The following GRIN2A variants were observed in gnomAD, a reference collection of about 807,000 sequenced individuals.
GRIN2A encodes the protein glutamate ionotropic receptor NMDA type subunit 2A, also known as glutamate receptor ionotropic, NMDA 2A.
In GRIN2A, 22 loss-of-function variants were observed where a neutral mutation model predicts 113.4. The ratio of observed to expected loss-of-function variants is 0.19; its 90% CI spans 0.14 to 0.28. The LOEUF (loss-of-function observed/expected upper bound fraction) is 0.28, where lower values mean the gene tolerates loss of function less well. Among genes scored for constraint, GRIN2A ranks in the 10% least tolerant of loss-of-function variants. GRIN2A has a pLI of 1.00. For missense variants in GRIN2A, 1,502 were observed against 1,887.0 expected (o/e 0.80, Z 3.78); for synonymous variants, 827 against 738.4 (o/e 1.12, Z -1.94).
intron 2 of GRIN2A, among the ~76,000 whole-genome samples, chr16:10,122,853 C>G (rs984445417): frequency 6.6e-6 from 1 of 152,140 alleles, no homozygotes; most frequent in Admixed American, 6.5e-5. Context: ...TATTTTGACT[C>G]AAACAGAACG....
At chr16:9,780,368 A>C (rs933728739) in intron 11 of GRIN2A, among the ~76,000 whole-genome samples, 9 of 152,234 alleles carry the variant, frequency 5.9e-5, no homozygotes, top group African/African-American at 2.2e-4. Context: ...AAAATGGATA[A>C]ATTTGTACGA....
chr16:10,112,712 C>T (rs965935610), intron 2 of GRIN2A: 12 of 742,950 alleles, frequency 1.6e-5, no homozygotes, highest in Non-Finnish European at 1.7e-5. Flanking sequence ...GTGTCTCGGC[C>T]TCCATCCAGG....
At chr16:9,805,914 G>C (rs1299783401) in intron 10 of GRIN2A, among the ~76,000 whole-genome samples, 1 of 152,170 alleles carries the variant, frequency 6.6e-6, no homozygotes, top group South Asian at 2.1e-4. Context: ...AACCTATACA[G>C]GGACTACCTG....
intron 2 of GRIN2A, among the ~76,000 whole-genome samples, chr16:9,992,215 A>C (rs886324439): frequency 2.0e-5 from 3 of 152,188 alleles, no homozygotes; most frequent in Non-Finnish European, 4.4e-5. Flanking sequence ...ACACTTGAAA[A>C]GATAGGGAAT....
At chr16:9,961,751 T>G (rs2045447201) in intron 2 of GRIN2A, among the ~76,000 whole-genome samples, 1 of 152,166 alleles carries the variant, frequency 6.6e-6, no homozygotes, top group South Asian at 2.1e-4. Flanking sequence ...TACCAATGAC[T>G]TTCTTCACAG....
chr16:10,090,557 T>C (rs2048166869), intron 2 of GRIN2A, among the ~76,000 whole-genome samples: 1 of 151,940 alleles, frequency 6.6e-6, no homozygotes, highest in Non-Finnish European at 1.5e-5. Flanking sequence ...GACCTAAATA[T>C]AACAACTAAA....
chr16:9,807,400 G>A (rs1567312707), intron 10 of GRIN2A, among the ~76,000 whole-genome samples: 1 of 115,450 alleles, frequency 8.7e-6, no homozygotes, highest in African/African-American at 3.5e-5. Flanking sequence ...GAGGGAGGGA[G>A]GGAGGGAGAG....
intron 2 of GRIN2A, among the ~76,000 whole-genome samples, chr16:10,110,349 T>C (rs1042967765): frequency 6.6e-5 from 10 of 152,250 alleles, no homozygotes; most frequent in Non-Finnish European, 2.9e-5. Context: ...CAGGACCTCA[T>C]CAAGGTAAAT....
At chr16:9,841,648 A>G (rs1410842798) in intron 5 of GRIN2A, among the ~76,000 whole-genome samples, 1 of 152,210 alleles carries the variant, frequency 6.6e-6, no homozygotes, top group Non-Finnish European at 1.5e-5. Context: ...TCAGCCAAGA[A>G]TCAGGAGACC....
chr16:9,935,636 G>T lies in GRIN2A; in HGVS notation c.1007+2323C>A, dbSNP rs565579412. On this transcript the variant is annotated intron_variant, in intron 3 of 12. Transcript: ENST00000330684. Reference sequence around the variant, plus strand: ...CCTAAAGCCTTCCAGAAATATTTCAGAGTGACATAGTACCCTGCTGGTAAT... The same window carrying T: ...CCTAAAGCCTTCCAGAAATATTTCATAGTGACATAGTACCCTGCTGGTAAT... Among the ~76,000 whole-genome samples, 4 of 151,764 alleles carry T rather than the reference G, an allele frequency of 2.6e-5. No individual in the cohort carries two copies. The South Asian group carries it at 8.3e-4, about 32-fold the overall frequency.
intron 2 of GRIN2A, among the ~76,000 whole-genome samples, chr16:9,940,991 G>A (rs529716215): frequency 1.3e-5 from 2 of 152,266 alleles, no homozygotes; most frequent in South Asian, 2.1e-4. Context: ...GGGCAAAAAT[G>A]TTCTAAATTA....
chr16:10,118,474 C>T (rs2048771393), intron 2 of GRIN2A, among the ~76,000 whole-genome samples: 1 of 152,132 alleles, frequency 6.6e-6, no homozygotes, highest in African/African-American at 2.4e-5. Flanking sequence ...GTAAAATCTT[C>T]CTTGAGTGTA....
intron 2 of GRIN2A, among the ~76,000 whole-genome samples, chr16:9,940,544 C>T (rs1321933143): frequency 6.6e-6 from 1 of 152,066 alleles, no homozygotes; most frequent in Non-Finnish European, 1.5e-5. Flanking sequence ...GTCCCCAGAA[C>T]CTGGCAGAAG....
At chr16:9,822,124 C>G in intron 10 of GRIN2A, 140 bp downstream of exon 10, 1 of 921,232 alleles carries the variant, frequency 1.1e-6, no homozygotes. Flanking sequence ...AAAAACTGCC[C>G]TCAACTGGGG....
At chr16:10,032,601 T>A (rs1215805718) in intron 2 of GRIN2A, among the ~76,000 whole-genome samples, 3 of 152,140 alleles carry the variant, frequency 2.0e-5, no homozygotes, top group Non-Finnish European at 2.9e-5. Flanking sequence ...ACTATCATTA[T>A]CCCCATTTCA....
At chr16:9,951,680 G>A (rs2045185872) in intron 2 of GRIN2A, among the ~76,000 whole-genome samples, 1 of 152,116 alleles carries the variant, frequency 6.6e-6, no homozygotes, top group African/African-American at 2.4e-5. Context: ...AAAAATGATG[G>A]TTTGTTTTTT....
At chr16:10,116,744 A>G (rs2048735339) in intron 2 of GRIN2A, among the ~76,000 whole-genome samples, 1 of 152,198 alleles carries the variant, frequency 6.6e-6, no homozygotes, top group Admixed American at 6.5e-5. Flanking sequence ...ATAACAGTGT[A>G]GGACACACCT....
intron 11 of GRIN2A, among the ~76,000 whole-genome samples, chr16:9,770,369 A>T (rs1037968699): frequency 6.6e-6 from 1 of 152,212 alleles, no homozygotes; most frequent in Non-Finnish European, 1.5e-5. Flanking sequence ...AATCAAAATG[A>T]TTTAATATTG....
chr16:10,132,340 C>CAAA lies in GRIN2A; in HGVS notation c.414+47655_414+47657dup, dbSNP rs71402435. On this transcript the variant is annotated intron_variant, in intron 2 of 12. Transcript: ENST00000330684. ...GAATGAGCAGAACAAGACACCGTCT[C>CAAA]AAAAAAAAAAAAAAAAAAGATGTGA... Among the ~76,000 whole-genome samples, 305 of 61,622 alleles carry CAAA rather than the reference C, an allele frequency of 4.9e-3. 33 individuals carry two copies. In the East Asian group the frequency reaches 0.13, roughly 26 times the overall value. The allele number at this position is 61,622 out of a possible 152,430, so 40.4% of individuals were successfully genotyped here.
Sources: gnomAD v4.1 joint callset for allele counts (sites outside exome capture counted in the v4.1 genomes callset) on GRCh38, gnomAD v4.1.1 for gene constraint, MANE v1.5 for transcripts, NCBI Gene and HGNC (gene_info 2026-07-23, HGNC 2026-07-21) for gene names.